Variants in ANKH observed in about 807,000 individuals in gnomAD.
ANKH encodes mineralization regulator ANKH.
ANKH carries 15 observed loss-of-function variants against 49.0 expected under a neutral mutation model. The observed-to-expected ratio is 0.31, with a 90% CI of 0.20 to 0.47. The LOEUF (loss-of-function observed/expected upper bound fraction) is 0.47, where lower values mean the gene tolerates loss of function less well. Among genes scored for constraint, ANKH ranks in the 20% least tolerant of loss-of-function variants. The pLI is 1.00. For synonymous variants in ANKH, 273 were observed against 260.0 expected, an observed-to-expected ratio of 1.05 and a Z score of -0.48; for missense variants, 429 against 652.0, an observed-to-expected ratio of 0.66 and a Z score of 3.72.
chr5:14,710,891 GGGA>G lies in ANKH; in HGVS notation c.*303_*305del, dbSNP rs2126391380. ...TTGGTTCCAAGAGGAGATTGTCCAG[GGGA>G]GGAGGACACAACGTCAACCGTGAGG... On this transcript the variant is annotated 3_prime_UTR_variant, in exon 12 of 12. Coordinates refer to ENST00000284268, the MANE Select transcript of ANKH (RefSeq NM_054027.6). 2 of 394,636 alleles carry G rather than the reference GGGA, an allele frequency of 5.1e-6. No individual in the cohort carries two copies. The highest frequency in any genetic ancestry group is 9.6e-6 in the Non-Finnish European group (2 of 207,704). 24.4% of individuals were successfully genotyped at this position (394,636 alleles called of 1,614,324 possible).
intron 8 of ANKH, among the ~76,000 whole-genome samples, chr5:14,739,201 G>A (rs1448345586): frequency 6.6e-6 from 1 of 152,164 alleles, no homozygotes; most frequent in African/African-American, 2.4e-5. Flanking sequence ...CAGATCACTT[G>A]AGGTCAGGAG....
chr5:14,775,155 C>T (rs1366168797), intron 1 of ANKH, among the ~76,000 whole-genome samples: 1 of 152,050 alleles, frequency 6.6e-6, no homozygotes, highest in Non-Finnish European at 1.5e-5. Flanking sequence ...ACCTCCTGAG[C>T]TCAAGTGATC....
At chr5:14,712,386 AAAAC>A (rs1473648567) in intron 11 of ANKH, among the ~76,000 whole-genome samples, 2 of 151,696 alleles carry the variant, frequency 1.3e-5, no homozygotes, top group African/African-American at 4.8e-5. Flanking sequence ...TTCACTGAGA[AAAAC>A]AAAAGTGATC....
In ANKH at chr5:14,801,122, G is replaced by A. The variant is rs374144350; in HGVS notation, c.97-31931C>T. ...ATTGTGGTGGTCTGGAACCGAAGCC[G>A]CAATAGCTCCAAGGGATGCCTATAT... On this transcript the variant is annotated intron_variant, in intron 1 of 11. Transcript: ENST00000284268. Among the ~76,000 whole-genome samples, 31 of 152,320 alleles carry A rather than the reference G, an allele frequency of 2.0e-4. No individual in the cohort carries two copies. The South Asian group carries it at 3.3e-3, about 16-fold the overall frequency.
chr5:14,760,940 C>G (rs11740591), intron 2 of ANKH, among the ~76,000 whole-genome samples: 2 of 151,720 alleles, frequency 1.3e-5, no homozygotes, highest in African/African-American at 4.8e-5. Flanking sequence ...CTTATCTAGC[C>G]ATAAGGTCAC....
At chr5:14,728,254 G>C (rs1173599117) in intron 8 of ANKH, among the ~76,000 whole-genome samples, 1 of 152,228 alleles carries the variant, frequency 6.6e-6, no homozygotes, top group African/African-American at 2.4e-5. Context: ...GGCCTACAGG[G>C]ACTGTGTGAC....
intron 4 of ANKH, among the ~76,000 whole-genome samples, chr5:14,751,668 C>A (rs1365543614): frequency 6.6e-6 from 1 of 151,916 alleles, no homozygotes; most frequent in Non-Finnish European, 1.5e-5. Flanking sequence ...TTGTGTGAAA[C>A]CCATTAACTT....
chr5:14,804,027 C>T (rs1390365161), intron 1 of ANKH, among the ~76,000 whole-genome samples: 2 of 152,168 alleles, frequency 1.3e-5, no homozygotes, highest in East Asian at 3.9e-4. Context: ...TCCCTAGTAG[C>T]TGGGATTACA....
intron 1 of ANKH, among the ~76,000 whole-genome samples, chr5:14,836,420 C>A (rs1301445674): frequency 6.6e-6 from 1 of 152,104 alleles, no homozygotes; most frequent in South Asian, 2.1e-4. Context: ...TTCAGCAAAG[C>A]CTCAGGATAC....
chr5:14,818,224 T>C (rs1369422260), intron 1 of ANKH, among the ~76,000 whole-genome samples: 1 of 152,132 alleles, frequency 6.6e-6, no homozygotes, highest in African/African-American at 2.4e-5. Context: ...AAGCCCAGGA[T>C]TTGCTCATAC....
At chr5:14,764,070 A>G (rs903102379) in intron 2 of ANKH, among the ~76,000 whole-genome samples, 2 of 151,904 alleles carry the variant, frequency 1.3e-5, no homozygotes, top group African/African-American at 4.8e-5. Flanking sequence ...CCTGGGTGAC[A>G]GAACGGAAAA....
chr5:14,849,638 G>A (rs1400629907), intron 1 of ANKH, among the ~76,000 whole-genome samples: 2 of 152,194 alleles, frequency 1.3e-5, no homozygotes, highest in Non-Finnish European at 2.9e-5. Context: ...CAGAAGTGCA[G>A]TCAGTCCAGA....
Position 14,751,250 on chromosome 5 carries a change from G to C in ANKH, c.517-11C>G. On this transcript the variant is annotated splice_polypyrimidine_tract_variant and intron_variant, in intron 4 of 11. Coordinates refer to ENST00000284268, the MANE Select transcript of ANKH (RefSeq NM_054027.6). ...GGCTACAAAAACAACCTGAGAGAAGGGAGAACGGGAACAGGTCAGAGGGGA... is the reference window on the plus strand; with the variant it reads ...GGCTACAAAAACAACCTGAGAGAAGCGAGAACGGGAACAGGTCAGAGGGGA... 6.2e-7 allele frequency: 1 copy of C among 1,613,836 alleles called. No individual in the cohort carries two copies. Among genetic ancestry groups the C allele is most frequent in the South Asian group, 1.1e-5 (1 of 91,042 alleles).
intron 8 of ANKH, among the ~76,000 whole-genome samples, chr5:14,740,383 A>C (rs961756130): frequency 6.6e-6 from 1 of 152,152 alleles, no homozygotes; most frequent in Non-Finnish European, 1.5e-5. Flanking sequence ...AACTATGGAA[A>C]AGCTTGGGCA....
chr5:14,780,603 A>G (rs1178446162), intron 1 of ANKH, among the ~76,000 whole-genome samples: 1 of 152,192 alleles, frequency 6.6e-6, no homozygotes, highest in African/African-American at 2.4e-5. Flanking sequence ...AAATTCTTCC[A>G]CAAAAAAGGG....
rs755738354 is a variant in ANKH, at chr5:14,711,278, C to T, written c.1398G>A (p.Glu466=). ...TGTCTGTCATGGCAGAGTCTTCCCC[C>T]TCCGTGGCCGACTCATTCTCCATCT... is the stretch of plus-strand genomic sequence containing the variant. ...KKKMENESAT[E]GEDSAMTDMP... is the part of the protein sequence containing the mutation. Residue 466 remains glutamate (E), a synonymous_variant, in exon 12 of 12, where the codon GAG becomes GAA. Coordinates refer to ENST00000284268, the MANE Select transcript of ANKH (RefSeq NM_054027.6). The T allele has an allele frequency of 1.2e-6, 2 of 1,614,158 alleles. No homozygotes were observed. Among genetic ancestry groups the T allele is most frequent in the South Asian group, 1.1e-5 (1 of 91,080 alleles).
At chr5:14,842,794 G>C (rs1288656907) in intron 1 of ANKH, among the ~76,000 whole-genome samples, 1 of 152,116 alleles carries the variant, frequency 6.6e-6, no homozygotes, top group Admixed American at 6.5e-5. Context: ...GGGTGCTCAC[G>C]AGCCATGCAG....
At chr5:14,871,308 C>T (rs750329593) in intron 1 of ANKH, 44 bp downstream of exon 1, 103 of 1,570,786 alleles carry the variant, frequency 6.6e-5, no homozygotes, top group Non-Finnish European at 8.5e-5. Flanking sequence ...GCGTGTAAGG[C>T]CAAGGCAGGG....
At chr5:14,758,078 G>A (rs1738958763) in intron 3 of ANKH, among the ~76,000 whole-genome samples, 1 of 152,226 alleles carries the variant, frequency 6.6e-6, no homozygotes, top group South Asian at 2.1e-4. Context: ...ACATTCACTG[G>A]AAAGTGACTC....
Sources: gnomAD v4.1 joint callset for allele counts (sites outside exome capture counted in the v4.1 genomes callset) on GRCh38, gnomAD v4.1.1 for gene constraint, MANE v1.5 for transcripts, NCBI Gene and HGNC (gene_info 2026-07-23, HGNC 2026-07-21) for gene names.